ZDHHC3: variants seen among roughly 807,000 people sequenced by gnomAD.
ZDHHC3 encodes zDHHC palmitoyltransferase 3.
Under a neutral mutation model 30.6 loss-of-function variants are expected in ZDHHC3, and 9 were observed. The ratio of observed to expected loss-of-function variants is 0.29; its 90% CI spans 0.18 to 0.51. The LOEUF (loss-of-function observed/expected upper bound fraction) is 0.51, where lower values mean the gene tolerates loss of function less well. Ranked by LOEUF, ZDHHC3 falls within the 20% of genes least tolerant of loss-of-function variation. ZDHHC3 has a pLI of 0.97. For synonymous variants in ZDHHC3, 136 were observed against 140.2 expected, an observed-to-expected ratio of 0.97 and a Z score of 0.21; for missense variants, 246 against 384.2, an observed-to-expected ratio of 0.64 and a Z score of 3.01.
chr3:44,921,410 T>C lies in ZDHHC3; in HGVS notation c.*5279A>G, dbSNP rs1700586073. 1 of 985,324 alleles carries C rather than the reference T, an allele frequency of 1.0e-6. No individual in the cohort carries two copies. Among genetic ancestry groups the C allele is most frequent in the African/African-American group, 1.7e-5 (1 of 57,240 alleles). 61.0% of individuals were successfully genotyped at this position (985,324 alleles called of 1,614,324 possible). A position where few individuals can be genotyped will look rare whatever the true frequency, so the allele number is the denominator to read the frequency against. On this transcript the variant is annotated 3_prime_UTR_variant, in exon 7 of 7. Coordinates refer to ENST00000424952, the MANE Select transcript of ZDHHC3 (RefSeq NM_001135179.2). The stretch of plus-strand genomic sequence containing the variant: ...CTCCTCATCAGAGATTTCATACCTC[T>C]ATATTGTAACCCACAAGAGGAAACA...
At position 44,929,352 on chromosome 3, in the gene ZDHHC3, G is replaced by A; in HGVS notation, c.695C>T (p.Ser232Leu). ...FEGLLFLIFT[S>L]VMFGTQVHSI... ...GTGCACCTGGGTCCCAAACATCACT[G>A]ATGTGAAAATGAGGAAGAGCAGGCC... Residue 232 changes from serine (S) to leucine (L), a missense_variant, in exon 6 of 7, where the codon TCA (serine) becomes TTA (leucine). Coordinates refer to ENST00000424952, the MANE Select transcript of ZDHHC3 (RefSeq NM_001135179.2). 2 of 1,614,126 alleles carry A rather than the reference G, an allele frequency of 1.2e-6. No individual in the cohort carries two copies. Among genetic ancestry groups the A allele is most frequent in the Non-Finnish European group, 8.5e-7 (1 of 1,179,994 alleles).
intron 2 of ZDHHC3, among the ~76,000 whole-genome samples, chr3:44,950,837 G>A (rs1247924073): frequency 6.6e-6 from 1 of 152,186 alleles, no homozygotes; most frequent in Admixed American, 6.5e-5. Flanking sequence ...GAGATTGAAG[G>A]CCTGAGACAT....
chr3:44,923,229 C>T lies in ZDHHC3; in HGVS notation c.*3460G>A. On this transcript the variant is annotated 3_prime_UTR_variant, in exon 7 of 7. Coordinates refer to ENST00000424952, the MANE Select transcript of ZDHHC3 (RefSeq NM_001135179.2). Reference sequence around the variant, plus strand: ...TAGCTGGGACTACAGACGCCTGCCACCACGCCCAGCTAATTTTTTTATATT... The same window carrying T: ...TAGCTGGGACTACAGACGCCTGCCATCACGCCCAGCTAATTTTTTTATATT... The T allele has an allele frequency of 2.4e-6, 2 of 819,168 alleles. No individual in the cohort carries two copies. The highest frequency in any genetic ancestry group is 2.9e-6 in the Non-Finnish European group (2 of 678,660). 50.7% of individuals were successfully genotyped at this position (819,168 alleles called of 1,614,324 possible). A position where few individuals can be genotyped will look rare whatever the true frequency, so the allele number is the denominator to read the frequency against.
Position 44,919,481 on chromosome 3 carries a change from T to C in ZDHHC3, c.*7208A>G, listed in dbSNP as rs915539182. 6.6e-6 allele frequency: 1 copy of C among 152,358 alleles called. No individual in the cohort carries two copies. Among genetic ancestry groups the C allele is most frequent in the Non-Finnish European group, 1.5e-5 (1 of 68,174 alleles). 9.4% of individuals were successfully genotyped at this position (152,358 alleles called of 1,614,324 possible). ...TGGTTACAAAACATTGTGAATGCATTAAATGTACACTTTAAAATGGCTAAT... is the reference window on the plus strand; with the variant it reads ...TGGTTACAAAACATTGTGAATGCATCAAATGTACACTTTAAAATGGCTAAT... On this transcript the variant is annotated 3_prime_UTR_variant, in exon 7 of 7. Coordinates refer to ENST00000424952, the MANE Select transcript of ZDHHC3 (RefSeq NM_001135179.2).
At position 44,922,532 on chromosome 3, in the gene ZDHHC3, C is replaced by G. The variant is rs1266886785; in HGVS notation, c.*4157G>C. ...TGAGGGAAGGCAGTCTCAGTGGCTT[C>G]TCCGCGGAGGGAACACGTGCCTGTC... On this transcript the variant is annotated 3_prime_UTR_variant, in exon 7 of 7. Transcript: ENST00000424952. The G allele has an allele frequency of 6.1e-6, 6 of 985,308 alleles. No individual in the cohort carries two copies. Among genetic ancestry groups the G allele is most frequent in the Non-Finnish European group, 6.0e-6 (5 of 829,924 alleles). The allele number at this position is 985,308 out of a possible 1,614,324, so 61.0% of individuals were successfully genotyped here.
chr3:44,963,780 C>G (rs1403114983), intron 1 of ZDHHC3, among the ~76,000 whole-genome samples: 1 of 152,210 alleles, frequency 6.6e-6, no homozygotes, highest in East Asian at 1.9e-4. Flanking sequence ...CACATGCTCT[C>G]AGAAGGGCAG....
intron 3 of ZDHHC3, among the ~76,000 whole-genome samples, chr3:44,937,269 C>A (rs1408603170): frequency 6.6e-6 from 1 of 151,868 alleles, no homozygotes; most frequent in Non-Finnish European, 1.5e-5. Context: ...CATGGCGAGA[C>A]CCTGTCTCCA....
Position 44,924,384 on chromosome 3 carries a change from G to A in ZDHHC3, c.*2305C>T. The A allele has an allele frequency of 1.0e-6, 1 of 985,362 alleles. No homozygotes were observed. The highest frequency in any genetic ancestry group is 1.2e-6 in the Non-Finnish European group (1 of 829,922). 61.0% of individuals were successfully genotyped at this position (985,362 alleles called of 1,614,324 possible). On this transcript the variant is annotated 3_prime_UTR_variant, in exon 7 of 7. Coordinates refer to ENST00000424952, the MANE Select transcript of ZDHHC3 (RefSeq NM_001135179.2). ...AATAGGAAAAATGCCAGGAACCTTG[G>A]GGTATTCCTATCTTCTGAGAGCAAC...
intron 3 of ZDHHC3, among the ~76,000 whole-genome samples, chr3:44,942,235 G>A (rs1317980263): frequency 1.3e-5 from 2 of 152,212 alleles, no homozygotes; most frequent in Non-Finnish European, 2.9e-5. Context: ...GCAGCCTCTG[G>A]GCTCAACGAC....
Position 44,918,442 on chromosome 3 carries a change from AG to A in ZDHHC3, c.*8246del. On this transcript the variant is annotated 3_prime_UTR_variant, in exon 7 of 7. Coordinates refer to ENST00000424952, the MANE Select transcript of ZDHHC3 (RefSeq NM_001135179.2). ...AGCCCTCCCCTTCTTTCCTTCCACA[AG>A]TGCAATGCCAGATGATGGGCAGGGG... 1 of 985,352 alleles carries A rather than the reference AG, an allele frequency of 1.0e-6. No individual in the cohort carries two copies. The allele number at this position is 985,352 out of a possible 1,614,324, so 61.0% of individuals were successfully genotyped here. A position where few individuals can be genotyped will look rare whatever the true frequency, so the allele number is the denominator to read the frequency against.
Position 44,926,057 on chromosome 3 carries a change from C to G in ZDHHC3, c.*632G>C, listed in dbSNP as rs1700959926. 1 of 985,756 alleles carries G rather than the reference C, an allele frequency of 1.0e-6. No individual in the cohort carries two copies. The highest frequency in any genetic ancestry group is 6.1e-5 in the Admixed American group (1 of 16,272). The allele number at this position is 985,756 out of a possible 1,614,324, so 61.1% of individuals were successfully genotyped here. A position where few individuals can be genotyped will look rare whatever the true frequency, so the allele number is the denominator to read the frequency against. On this transcript the variant is annotated 3_prime_UTR_variant, in exon 7 of 7. Coordinates refer to ENST00000424952, the MANE Select transcript of ZDHHC3 (RefSeq NM_001135179.2). Reference sequence around the variant, plus strand: ...GACCTCTTTCATCTTTCTCCCCACTCCCCCGCAAAATCATTCTACACACCC... The same window carrying G: ...GACCTCTTTCATCTTTCTCCCCACTGCCCCGCAAAATCATTCTACACACCC...
intron 1 of ZDHHC3, among the ~76,000 whole-genome samples, chr3:44,966,350 T>C (rs947536262): frequency 1.3e-5 from 2 of 152,218 alleles, no homozygotes; most frequent in African/African-American, 4.8e-5. Flanking sequence ...GCTGGTCTGG[T>C]ATCCTCTTGA....
intron 5 of ZDHHC3, 66 bp downstream of exon 5, chr3:44,933,051 TC>T (rs551396430): frequency 1.2e-6 from 2 of 1,612,452 alleles, no homozygotes; most frequent in Non-Finnish European, 1.7e-6. Context: ...ACAAAGAGCC[TC>T]CCCGCCCCCC....
Position 44,923,701 on chromosome 3 carries a change from G to T in ZDHHC3, c.*2988C>A. On this transcript the variant is annotated 3_prime_UTR_variant, in exon 7 of 7. Coordinates refer to ENST00000424952, the MANE Select transcript of ZDHHC3 (RefSeq NM_001135179.2). ...GCCTGTAGCCCTGGATATTCAGGAGGCCAAGGCACAAGAATCACTTGAGCC... is the reference window on the plus strand; with the variant it reads ...GCCTGTAGCCCTGGATATTCAGGAGTCCAAGGCACAAGAATCACTTGAGCC... The T allele has an allele frequency of 1.2e-6, 1 of 812,098 alleles. No individual in the cohort carries two copies. Among genetic ancestry groups the T allele is most frequent in the Non-Finnish European group, 1.5e-6 (1 of 672,062 alleles). 50.3% of individuals were successfully genotyped at this position (812,098 alleles called of 1,614,324 possible).
At position 44,959,606 on chromosome 3, in the gene ZDHHC3, T is replaced by C. The variant is rs1333907514; in HGVS notation, c.-24-146A>G. The C allele has an allele frequency of 1.5e-6, 1 of 663,474 alleles. No homozygotes were observed. Among genetic ancestry groups the C allele is most frequent in the African/African-American group, 1.8e-5 (1 of 55,112 alleles). 41.1% of individuals were successfully genotyped at this position (663,474 alleles called of 1,614,324 possible). A position where few individuals can be genotyped will look rare whatever the true frequency, so the allele number is the denominator to read the frequency against. On this transcript the variant is annotated intron_variant, in intron 1 of 6. Coordinates refer to ENST00000424952, the MANE Select transcript of ZDHHC3 (RefSeq NM_001135179.2). The surrounding 1 kb of genome is among the most constrained non-coding windows in gnomAD (Gnocchi z 4.3). ...CTAATCACCTTGTTCATTTAAAACA[T>C]GAGTTCTCTTCCCTGATTCTGAGAG...
chr3:44,940,729 C>T (rs1017743225), intron 3 of ZDHHC3, among the ~76,000 whole-genome samples: 2 of 152,170 alleles, frequency 1.3e-5, no homozygotes, highest in Non-Finnish European at 2.9e-5. Flanking sequence ...AGGCCTCAAA[C>T]CTTGGTAGAA....
At chr3:44,973,811 T>C (rs1246638979) in intron 1 of ZDHHC3, among the ~76,000 whole-genome samples, 1 of 152,242 alleles carries the variant, frequency 6.6e-6, no homozygotes, top group African/African-American at 2.4e-5. Flanking sequence ...ATAAGCACTA[T>C]GTAAATTAGT....
rs1251148379 is a variant in ZDHHC3, at chr3:44,924,258, T to C, written c.*2431A>G. 1.0e-6 allele frequency: 1 copy of C among 985,332 alleles called. No homozygotes were observed. Among genetic ancestry groups the C allele is most frequent in the Admixed American group, 6.1e-5 (1 of 16,272 alleles). The allele number at this position is 985,332 out of a possible 1,614,324, so 61.0% of individuals were successfully genotyped here. A position where few individuals can be genotyped will look rare whatever the true frequency, so the allele number is the denominator to read the frequency against. Reference sequence around the variant, plus strand: ...TCAGGGATGCTTTCCCTTCCTGTCCTGTGTGGAAGCCAGGCTGGGAACCAA... The same window carrying C: ...TCAGGGATGCTTTCCCTTCCTGTCCCGTGTGGAAGCCAGGCTGGGAACCAA... On this transcript the variant is annotated 3_prime_UTR_variant, in exon 7 of 7. Coordinates refer to ENST00000424952, the MANE Select transcript of ZDHHC3 (RefSeq NM_001135179.2).
In ZDHHC3 at chr3:44,915,917, A is replaced by G. The variant is rs898084480; in HGVS notation, c.*10772T>C. 6.6e-6 allele frequency: 1 copy of G among 152,216 alleles called. No individual in the cohort carries two copies. The highest frequency in any genetic ancestry group is 2.4e-5 in the African/African-American group (1 of 41,434). 9.4% of individuals were successfully genotyped at this position (152,216 alleles called of 1,614,324 possible). On this transcript the variant is annotated 3_prime_UTR_variant, in exon 7 of 7. Coordinates refer to ENST00000424952, the MANE Select transcript of ZDHHC3 (RefSeq NM_001135179.2). ...TGAACTCTCTGGTATTCCATCCACC[A>G]TCCTGGCAGCCCAGAGCTGCTTCTG... is the stretch of plus-strand genomic sequence containing the variant.
Sources: gnomAD v4.1 joint callset for allele counts (sites outside exome capture counted in the v4.1 genomes callset) on GRCh38, gnomAD v4.1.1 for gene constraint, Gnocchi (gnomAD v3.1) non-coding constraint, MANE v1.5 for transcripts, NCBI Gene and HGNC (gene_info 2026-07-23, HGNC 2026-07-21) for gene names.